The following CCDC18 variants were observed in gnomAD, a reference collection of about 807,000 sequenced individuals.
CCDC18 encodes the protein coiled-coil domain containing 18.
In CCDC18, 157 loss-of-function variants were observed where a neutral mutation model predicts 196.0. The ratio of observed to expected loss-of-function variants is 0.80; its 90% CI spans 0.70 to 0.91. The LOEUF (loss-of-function observed/expected upper bound fraction) is 0.91, where lower values mean the gene tolerates loss of function less well. Among genes scored for constraint, CCDC18 ranks in the 40% least tolerant of loss-of-function variants. The pLI is 0.00. For synonymous variants in CCDC18, 482 were observed against 529.2 expected (o/e 0.91, Z 1.22); for missense variants, 1,465 against 1,611.6 (o/e 0.91, Z 1.56).
chr1:93,210,461 G>A (rs898423695), intron 9 of CCDC18, among the ~76,000 whole-genome samples: 20 of 151,786 alleles, frequency 1.3e-4, no homozygotes, highest in African/African-American at 1.9e-4. Flanking sequence ...TATCCTTCTC[G>A]TCCATGTTTT....
At position 93,246,165 on chromosome 1, in the gene CCDC18, TAA is replaced by T. The variant is rs1557683633; in HGVS notation, c.3044_3045del (p.Lys1015ArgfsTer22). 6.2e-7 allele frequency: 1 copy of T among 1,605,662 alleles called. No individual in the cohort carries two copies. Among genetic ancestry groups the T allele is most frequent in the East Asian group, 2.3e-5 (1 of 44,284 alleles). ...AGCTCCTTGAAATGGATCAGGCACT[TAA>T]AGAGAGAAATTGGGAACTAAAGCAA... ...QELLEMDQAL[K>X]ERNWELKQRA... On this transcript the variant is annotated frameshift_variant, in exon 22 of 29. Coordinates refer to ENST00000690025, the MANE Select transcript of CCDC18 (RefSeq NM_001378204.1). LOFTEE classifies it high-confidence loss of function.
chr1:93,233,219 A>T (rs937800920), intron 18 of CCDC18, among the ~76,000 whole-genome samples: 3 of 152,324 alleles, frequency 2.0e-5, no homozygotes, highest in Middle Eastern at 3.4e-3. Context: ...TTCCTTAAAG[A>T]AATGGCAAAG....
intron 17 of CCDC18, among the ~76,000 whole-genome samples, chr1:93,231,959 CCTT>C (rs1292588286): frequency 6.6e-6 from 1 of 152,190 alleles, no homozygotes; most frequent in Admixed American, 6.5e-5. Context: ...GCTGTTCCCT[CCTT>C]CTGGGAGAGG....
chr1:93,260,803 G>A (rs931172271), intron 26 of CCDC18, among the ~76,000 whole-genome samples: 1 of 151,972 alleles, frequency 6.6e-6, no homozygotes, highest in Admixed American at 6.6e-5. Flanking sequence ...GATGTGTGAT[G>A]TTCCCCTCCC....
intron 12 of CCDC18, 69 bp from the exon 13 acceptor site, chr1:93,216,567 G>A (rs1044300606): frequency 1.4e-5 from 10 of 727,906 alleles, no homozygotes; most frequent in Non-Finnish European, 2.2e-5. Flanking sequence ...AGGAGCAGGT[G>A]TTTGATCTTA....
rs183557342 is a variant in CCDC18, at chr1:93,212,197, C to A, written c.1431C>A (p.Ser477Arg). ...AGAGTCTTATTACTTGTAATGACAG[C>A]CAAGAAAGTAGCAAATTAAGTAGTT... is the stretch of plus-strand genomic sequence containing the variant. ...LSQSLITCND[S>R]QESSKLSSLE... The change falls in exon 11 of 29, where the codon AGC becomes AGA. Residue 477 changes from serine to arginine, a missense_variant. Coordinates refer to ENST00000690025, the MANE Select transcript of CCDC18 (RefSeq NM_001378204.1). 6.3e-5 allele frequency: 102 copies of A among 1,609,552 alleles called. No individual in the cohort carries two copies. In the African/African-American group the frequency reaches 1.3e-3, roughly 20 times the overall value.
chr1:93,234,308 C>T (rs1172492403), intron 18 of CCDC18, among the ~76,000 whole-genome samples: 1 of 151,870 alleles, frequency 6.6e-6, no homozygotes, highest in Non-Finnish European at 1.5e-5. Flanking sequence ...ACTACAGGTG[C>T]GCACCACCAC....
intron 10 of CCDC18, among the ~76,000 whole-genome samples, chr1:93,211,275 T>TA (rs10538532): frequency 6.4e-5 from 9 of 140,172 alleles, no homozygotes; most frequent in Non-Finnish European, 1.1e-4. Context: ...GAGACTCCAT[T>TA]AAAAAAAAAA....
chr1:93,192,222 G>T, intron 5 of CCDC18, 116 bp downstream of exon 5: 1 of 691,618 alleles, frequency 1.4e-6, no homozygotes, highest in Non-Finnish European at 2.5e-6. Flanking sequence ...ATGGTGTTCA[G>T]CTGTCTTAGA....
chr1:93,212,027 G>T, intron 10 of CCDC18, 74 bp from the exon 11 acceptor site: 2 of 1,266,252 alleles, frequency 1.6e-6, no homozygotes, highest in Non-Finnish European at 1.1e-6. Flanking sequence ...AACTTGAAAG[G>T]TGAAAAATAG....
Position 93,246,197 on chromosome 1 carries a change from C to T in CCDC18, c.3074C>T (p.Ala1025Val). 6.3e-7 allele frequency: 1 copy of T among 1,597,432 alleles called. No individual in the cohort carries two copies. Among genetic ancestry groups the T allele is most frequent in the East Asian group, 2.3e-5 (1 of 44,164 alleles). ...KERNWELKQR[A>V]AQVTHLDMTI... ...AGAAATTGGGAACTAAAGCAAAGAG[C>T]AGCTCAGGTTGATTTTTCTTGATTA... Residue 1025 changes from alanine (A) to valine (V), a missense_variant, in exon 22 of 29, where the codon GCA becomes GTA. Transcript: ENST00000690025.
intron 6 of CCDC18, 100 bp from the exon 7 acceptor site, chr1:93,201,792 C>G: frequency 1.5e-6 from 1 of 675,014 alleles, no homozygotes; most frequent in Non-Finnish European, 2.3e-6. Flanking sequence ...AAATTTGTTT[C>G]TCTCCAATTA....
chr1:93,186,522 G>C lies in CCDC18; in HGVS notation c.462+19G>C. The C allele has an allele frequency of 6.4e-7, 1 of 1,558,592 alleles. No homozygotes were observed. The highest frequency in any genetic ancestry group is 1.4e-5 in the African/African-American group (1 of 72,348). On this transcript the variant is annotated intron_variant, in intron 4 of 28. Coordinates refer to ENST00000690025, the MANE Select transcript of CCDC18 (RefSeq NM_001378204.1). ...AGCAAAAGTATGTATCTTGAAATAAGTTTGCCAACAGAAAATAGTTGTTAT... is the reference window on the plus strand; with the variant it reads ...AGCAAAAGTATGTATCTTGAAATAACTTTGCCAACAGAAAATAGTTGTTAT...
At chr1:93,227,399 C>T (rs1658546951) in intron 17 of CCDC18, among the ~76,000 whole-genome samples, 1 of 151,478 alleles carries the variant, frequency 6.6e-6, no homozygotes, top group African/African-American at 2.4e-5. Flanking sequence ...AACTCCTGAA[C>T]TCAGGCAATC....
In CCDC18 at chr1:93,212,123, G is replaced by A. The variant is rs1385947466; in HGVS notation, c.1357G>A (p.Ala453Thr). The change falls in exon 11 of 29, where the codon GCA becomes ACA. Residue 453 changes from alanine to threonine, a missense_variant. Ala to Thr is a moderately conservative substitution (Grantham distance 58). Coordinates refer to ENST00000690025, the MANE Select transcript of CCDC18 (RefSeq NM_001378204.1). ...ELRIKLAIKE[A>T]EIQKLHANLT... ...CAGAATTAAGCTTGCAATAAAAGAG[G>A]CAGAAATTCAAAAGCTTCATGCAAA... The A allele has an allele frequency of 6.2e-7, 1 of 1,601,250 alleles. No individual in the cohort carries two copies.
intron 28 of CCDC18, 112 bp downstream of exon 28, chr1:93,270,926 G>A (rs1665203192): frequency 3.6e-6 from 5 of 1,387,804 alleles, no homozygotes; most frequent in East Asian, 5.1e-5. Context: ...ATTTGAAGAA[G>A]GAAGATTTTA....
Position 93,246,102 on chromosome 1 carries a change from T to C in CCDC18, c.2982-3T>C. 6.3e-7 allele frequency: 1 copy of C among 1,583,250 alleles called. No homozygotes were observed. The highest frequency in any genetic ancestry group is 8.6e-7 in the Non-Finnish European group (1 of 1,161,964). ...TTGATCTTTTTCCTTTGATAAATTG[T>C]AGAGAATGCAAGATGGAGATTGAAG... On this transcript the variant is annotated splice_region_variant and splice_polypyrimidine_tract_variant and intron_variant, in intron 21 of 28. Coordinates refer to ENST00000690025, the MANE Select transcript of CCDC18 (RefSeq NM_001378204.1).
rs761904637 is a variant in CCDC18, at chr1:93,278,458, T to A, written c.4354-5T>A. Reference sequence around the variant, plus strand: ...ATATTAATCTATTATTTTGCATTATTCTAGGGAGAAAATGTGTAATTCAAA... The same window carrying A: ...ATATTAATCTATTATTTTGCATTATACTAGGGAGAAAATGTGTAATTCAAA... On this transcript the variant is annotated splice_polypyrimidine_tract_variant and splice_region_variant and intron_variant, in intron 28 of 28. Coordinates refer to ENST00000690025, the MANE Select transcript of CCDC18 (RefSeq NM_001378204.1). 8.2e-7 allele frequency: 1 copy of A among 1,212,976 alleles called. No homozygotes were observed. The highest frequency in any genetic ancestry group is 1.1e-6 in the Non-Finnish European group (1 of 884,118). 75.1% of individuals were successfully genotyped at this position (1,212,976 alleles called of 1,614,324 possible).
At position 93,184,047 on chromosome 1, in the gene CCDC18, TC is replaced by T; in HGVS notation, c.205del (p.Gln69SerfsTer8). 6.3e-7 allele frequency: 1 copy of T among 1,594,368 alleles called. No individual in the cohort carries two copies. The highest frequency in any genetic ancestry group is 1.3e-5 in the African/African-American group (1 of 74,462). ...SRSEKLILDV[Q>X]PSHPGLLNYS... The stretch of plus-strand genomic sequence containing the variant: ...GGTCTGAAAAGCTAATTTTGGATGT[TC>T]AGCCTAGCCACCCTGGACTTTTGAA... On this transcript the variant is annotated frameshift_variant, in exon 3 of 29. Coordinates refer to ENST00000690025, the MANE Select transcript of CCDC18 (RefSeq NM_001378204.1). LOFTEE classifies it high-confidence loss of function.
Sources: gnomAD v4.1 joint callset for allele counts (sites outside exome capture counted in the v4.1 genomes callset) on GRCh38, gnomAD v4.1.1 for gene constraint, MANE v1.5 for transcripts, NCBI Gene and HGNC (gene_info 2026-07-23, HGNC 2026-07-21) for gene names.